FLI1: variants seen among roughly 807,000 people sequenced by gnomAD.
The protein encoded by FLI1 is Fli-1 proto-oncogene, ETS transcription factor.
In FLI1, 13 loss-of-function variants were observed where a neutral mutation model predicts 53.1. The observed-to-expected ratio is 0.24, with a 90% confidence interval of 0.16 to 0.39. The LOEUF (loss-of-function observed/expected upper bound fraction) is 0.39. Ranked by LOEUF, FLI1 falls within the 10% of genes least tolerant of loss-of-function variation. The probability of loss-of-function intolerance (pLI) is 1.00; values close to 1 mark genes in which losing one functional copy is unlikely to be tolerated. For missense variants in FLI1, 424 were observed against 600.5 expected (o/e 0.71, Z 3.07); for synonymous variants, 244 against 236.7 (o/e 1.03, Z -0.28).
At chr11:128,746,961 T>G (rs2056184107) in intron 1 of FLI1, among the ~76,000 whole-genome samples, 1 of 152,280 alleles carries the variant, frequency 6.6e-6, no homozygotes, top group East Asian at 1.9e-4. Context: ...AAGCAAGCAG[T>G]GTGGTGATTG....
intron 1 of FLI1, among the ~76,000 whole-genome samples, chr11:128,727,932 T>C (rs1939546459): frequency 6.6e-6 from 1 of 152,214 alleles, no homozygotes; most frequent in Non-Finnish European, 1.5e-5. Context: ...GAGCAGGCAT[T>C]CCTGCTCTCT....
rs768006640 is a variant in FLI1, at chr11:128,810,770, T to C, written c.1141T>C (p.Tyr381His). 6.2e-7 allele frequency: 1 copy of C among 1,613,944 alleles called. No individual in the cohort carries two copies. The highest frequency in any genetic ancestry group is 8.5e-7 in the Non-Finnish European group (1 of 1,179,902). ...TCCGACCGAGTCGTCCATGTACAAG[T>C]ACCCTTCTGACATCTCCTACATGCC... The part of the protein sequence containing the change: ...PHPTESSMYK[Y>H]PSDISYMPSY... Residue 381 changes from tyrosine to histidine, a missense_variant, in exon 9 of 9, where the codon TAC (tyrosine) becomes CAC (histidine). This residue lies in a region of FLI1 where 87 missense variants were observed against 100.0 expected (regional missense o/e 0.87). Transcript: ENST00000527786. The surrounding 1 kb of genome is among the most constrained non-coding windows in gnomAD (Gnocchi z 6.6).
chr11:128,697,912 C>T (rs903828066), intron 1 of FLI1, among the ~76,000 whole-genome samples: 4 of 152,162 alleles, frequency 2.6e-5, no homozygotes, highest in Admixed American at 2.0e-4. Context: ...GGTGATATAT[C>T]TTCTGAAGAA....
At chr11:128,773,064 C>A in intron 4 of FLI1, 79 bp downstream of exon 4, 1 of 1,360,766 alleles carries the variant, frequency 7.3e-7, no homozygotes, top group Non-Finnish European at 1.0e-6. Context: ...CAGTGCTGCC[C>A]GTTCGTGTTG....
intron 2 of FLI1, among the ~76,000 whole-genome samples, chr11:128,766,594 A>G (rs1236537677): frequency 4.6e-5 from 7 of 151,792 alleles, no homozygotes; most frequent in African/African-American, 1.7e-4. Flanking sequence ...TTCTTTATTG[A>G]ATGTGCTCAG....
intron 1 of FLI1, among the ~76,000 whole-genome samples, chr11:128,738,741 C>G (rs1222030105): frequency 2.0e-5 from 3 of 152,348 alleles, no homozygotes; most frequent in Admixed American, 2.0e-4. Flanking sequence ...AAGGAGAATG[C>G]TGGATGCAGG....
chr11:128,694,347 C>T lies in FLI1; in HGVS notation c.18+71C>T, dbSNP rs1033274744. The T allele has an allele frequency of 1.0e-5, 12 of 1,174,348 alleles. No homozygotes were observed. The East Asian group carries it at 1.6e-4, about 15-fold the overall frequency. 72.7% of individuals were successfully genotyped at this position (1,174,348 alleles called of 1,614,324 possible). ...AGGCGAAGCGGCGGGCGGGTAGGTGCGGGGCCCGCGTCCCGGAAGACGTGG... is the reference window on the plus strand; with the variant it reads ...AGGCGAAGCGGCGGGCGGGTAGGTGTGGGGCCCGCGTCCCGGAAGACGTGG... On this transcript the variant is annotated intron_variant, in intron 1 of 8. Coordinates refer to ENST00000527786, the MANE Select transcript of FLI1 (RefSeq NM_002017.5).
intron 1 of FLI1, among the ~76,000 whole-genome samples, chr11:128,747,422 G>T (rs1485047190): frequency 6.6e-6 from 1 of 152,150 alleles, no homozygotes; most frequent in Non-Finnish European, 1.5e-5. Context: ...CTCCCTGCAG[G>T]TTCTCCCATG....
chr11:128,746,943 A>C (rs988327203), intron 1 of FLI1, among the ~76,000 whole-genome samples: 2 of 152,226 alleles, frequency 1.3e-5, no homozygotes, highest in African/African-American at 4.8e-5. Flanking sequence ...GCAGCTGTCC[A>C]TGAAGGGAAG....
chr11:128,750,604 T>C (rs946363815), intron 1 of FLI1, among the ~76,000 whole-genome samples: 5 of 152,202 alleles, frequency 3.3e-5, no homozygotes, highest in African/African-American at 1.2e-4. Context: ...TCCTTGCCCC[T>C]CTGGAGGCTT....
chr11:128,694,247 A>C lies in FLI1; in HGVS notation c.-12A>C, dbSNP rs774127474. On this transcript the variant is annotated 5_prime_UTR_variant, in exon 1 of 9. Transcript: ENST00000527786. ...GTGGAATATTGGGGGGCTCGGCTGC[A>C]GACTTGGCCAAATGGACGGGACTAT... 1.3e-6 allele frequency: 2 copies of C among 1,484,472 alleles called. No homozygotes were observed. Among genetic ancestry groups the C allele is most frequent in the South Asian group, 2.7e-5 (2 of 75,402 alleles). 92.0% of individuals were successfully genotyped at this position (1,484,472 alleles called of 1,614,324 possible). A position where few individuals can be genotyped will look rare whatever the true frequency, so the allele number is the denominator to read the frequency against.
chr11:128,731,504 G>A (rs1319736126), intron 1 of FLI1, among the ~76,000 whole-genome samples: 5 of 150,282 alleles, frequency 3.3e-5, no homozygotes, highest in Admixed American at 6.6e-5. Flanking sequence ...TAAAGGGGCC[G>A]TGTCAGAAAA....
chr11:128,781,931 A>G (rs1941928258), intron 4 of FLI1, 27 bp from the exon 5 acceptor site: 1 of 1,597,064 alleles, frequency 6.3e-7, no homozygotes, highest in Admixed American at 1.7e-5. Context: ...CATTTTGGTT[A>G]TAACCTGTTT....
In FLI1 at chr11:128,731,128, C is replaced by T. The variant is rs141418080; in HGVS notation, c.19-26987C>T. ...AATGTGGCTATATATAGACGCTTGG[C>T]CGTTTCCTGTTGCTCTTGCAGCTTG... On this transcript the variant is annotated intron_variant, in intron 1 of 8. Transcript: ENST00000527786. Among the ~76,000 whole-genome samples the T allele has an allele frequency of 3.0e-3, 463 of 152,340 alleles. 4 individuals are homozygous for T. The highest frequency in any genetic ancestry group is 0.01 in the Middle Eastern group (3 of 294).
chr11:128,796,696 C>T (rs892836881), intron 5 of FLI1, among the ~76,000 whole-genome samples: 12 of 152,194 alleles, frequency 7.9e-5, no homozygotes, highest in African/African-American at 2.7e-4. Flanking sequence ...TGCTCTTGGC[C>T]GGGCGTGGTG....
At position 128,694,186 on chromosome 11, in the gene FLI1, A is replaced by G. The variant is rs1937909913; in HGVS notation, c.-73A>G. Reference sequence around the variant, plus strand: ...GGGAGGCCGCGCCGGGCTAATCCGAAGGGGCTGCGAGGTCAGGCTGTAACC... The same window carrying G: ...GGGAGGCCGCGCCGGGCTAATCCGAGGGGGCTGCGAGGTCAGGCTGTAACC... On this transcript the variant is annotated 5_prime_UTR_variant, in exon 1 of 9. Transcript: ENST00000527786. 2.0e-6 allele frequency: 3 copies of G among 1,489,186 alleles called. No individual in the cohort carries two copies. Among genetic ancestry groups the G allele is most frequent in the Non-Finnish European group, 1.8e-6 (2 of 1,118,102 alleles). The allele number at this position is 1,489,186 out of a possible 1,614,324, so 92.2% of individuals were successfully genotyped here.
intron 1 of FLI1, among the ~76,000 whole-genome samples, chr11:128,757,386 G>A (rs1051575240): frequency 3.3e-5 from 5 of 152,162 alleles, no homozygotes; most frequent in East Asian, 1.9e-4. Context: ...TTCCTCTTTC[G>A]TCCTTTGGCT....
At chr11:128,777,219 G>A (rs995716912) in intron 4 of FLI1, among the ~76,000 whole-genome samples, 3 of 152,204 alleles carry the variant, frequency 2.0e-5, no homozygotes, top group Admixed American at 2.0e-4. Flanking sequence ...GGCCGCTGGG[G>A]GGAGTTTGCG....
chr11:128,704,342 TC>T, intron 1 of FLI1, among the ~76,000 whole-genome samples: 1 of 152,094 alleles, frequency 6.6e-6, no homozygotes, highest in East Asian at 1.9e-4. Flanking sequence ...TTGGTGAGTT[TC>T]TCCGAGCTGG....
Sources: gnomAD v4.1 joint callset for allele counts (sites outside exome capture counted in the v4.1 genomes callset) on GRCh38, gnomAD v4.1.1 for gene constraint, gnomAD v4.1.1 regional missense constraint, Gnocchi (gnomAD v3.1) non-coding constraint, MANE v1.5 for transcripts, NCBI Gene and HGNC (gene_info 2026-07-23, HGNC 2026-07-21) for gene names.